Variants in RHOU observed in about 807,000 individuals in gnomAD.
RHOU encodes ras homolog family member U.
In RHOU, 8 loss-of-function variants were observed where a neutral mutation model predicts 12.6. The observed-to-expected ratio is 0.64, with a 90% confidence interval of 0.37 to 1.15. The LOEUF (loss-of-function observed/expected upper bound fraction) is 1.15, where lower values mean the gene tolerates loss of function less well. RHOU is among the 50% of genes most tolerant of loss of function. The pLI, the probability that RHOU is intolerant of heterozygous loss-of-function variation, is 0.01. For synonymous variants in RHOU, 161 were observed against 147.4 expected (o/e 1.09, Z -0.67); for missense variants, 258 against 347.0 (o/e 0.74, Z 2.04).
At chr1:228,646,570 C>G in the RHOU span, among the ~76,000 whole-genome samples, 146 of 128,182 alleles carry the variant, frequency 1.1e-3, no homozygotes, top group African/African-American at 3.8e-3. Flanking sequence ...TCGCTTGTCC[C>G]GACCAAGACC....
chr1:228,681,597 C>T, the RHOU span, among the ~76,000 whole-genome samples: 1 of 151,722 alleles, frequency 6.6e-6, no homozygotes, highest in Non-Finnish European at 1.5e-5. Context: ...GCCCTTTTTT[C>T]GACAAAAAGT....
chr1:228,646,741 CACAG>C, the RHOU span, among the ~76,000 whole-genome samples: 1 of 151,982 alleles, frequency 6.6e-6, no homozygotes, highest in Admixed American at 6.6e-5. Context: ...CTCCCCCACA[CACAG>C]ACACACCCGT....
At chr1:228,650,326 C>T in the RHOU span, 9 of 465,332 alleles carry the variant, frequency 1.9e-5, no homozygotes, top group East Asian at 2.0e-4. Context: ...GCTTGGCTGC[C>T]GGCCCTACCT....
the RHOU span, among the ~76,000 whole-genome samples, chr1:228,699,117 A>G: frequency 6.6e-6 from 1 of 151,366 alleles, no homozygotes; most frequent in East Asian, 1.9e-4. Flanking sequence ...CCTGGTGAAA[A>G]TATACTCTGG....
upstream of RHOU, among the ~76,000 whole-genome samples, chr1:228,732,427 T>C (rs1662514781): frequency 6.6e-6 from 1 of 152,034 alleles, no homozygotes; most frequent in Non-Finnish European, 1.5e-5. Context: ...TGGACCCAAA[T>C]GAGTGGGTGC....
the RHOU span, among the ~76,000 whole-genome samples, chr1:228,683,795 G>A: frequency 6.6e-6 from 1 of 152,206 alleles, no homozygotes; most frequent in Non-Finnish European, 1.5e-5. Flanking sequence ...GAAACTGTGC[G>A]GTGGGGGTGG....
intron 2 of RHOU, among the ~76,000 whole-genome samples, chr1:228,742,283 A>G (rs1662739342): frequency 6.6e-6 from 1 of 152,230 alleles, no homozygotes; most frequent in Admixed American, 6.5e-5. Context: ...AATTTGGAGA[A>G]CAACATCTGT....
At chr1:228,686,768 T>C in the RHOU span, among the ~76,000 whole-genome samples, 2 of 150,290 alleles carry the variant, frequency 1.3e-5, no homozygotes, top group Non-Finnish European at 1.5e-5. Context: ...TGAGAGGGAG[T>C]CTTCCTCTGT....
the RHOU span, among the ~76,000 whole-genome samples, chr1:228,683,453 G>A: frequency 6.6e-6 from 1 of 152,146 alleles, no homozygotes; most frequent in East Asian, 1.9e-4. Context: ...TTTTACATAT[G>A]ATATATGTGG....
At chr1:228,711,164 C>T in the RHOU span, among the ~76,000 whole-genome samples, 1 of 151,500 alleles carries the variant, frequency 6.6e-6, no homozygotes, top group Non-Finnish European at 1.5e-5. Context: ...AAAGAGGATA[C>T]AAACAAATGG....
the RHOU span, among the ~76,000 whole-genome samples, chr1:228,676,502 CTG>C: frequency 6.6e-6 from 1 of 152,002 alleles, no homozygotes; most frequent in Non-Finnish European, 1.5e-5. Context: ...CGAAAAAAAA[CTG>C]TTTTTTAGTT....
At chr1:228,647,000 A>T in the RHOU span, among the ~76,000 whole-genome samples, 1 of 149,184 alleles carries the variant, frequency 6.7e-6, no homozygotes, top group East Asian at 2.1e-4. Context: ...AGGCTAGAGA[A>T]ATAACGCGAG....
the RHOU span, among the ~76,000 whole-genome samples, chr1:228,725,769 T>TA: frequency 1.1e-4 from 17 of 152,240 alleles, no homozygotes; most frequent in Non-Finnish European, 1.8e-4. Context: ...AATAAAATTT[T>TA]AGAATTGGAG....
the RHOU span, among the ~76,000 whole-genome samples, chr1:228,691,507 C>T: frequency 6.0e-3 from 867 of 144,912 alleles, 6 homozygotes; most frequent in Admixed American, 9.4e-3. Flanking sequence ...TACTTGGAAT[C>T]TTATAGTGTG....
the RHOU span, among the ~76,000 whole-genome samples, chr1:228,715,169 G>C: frequency 4.2e-5 from 6 of 143,474 alleles, no homozygotes; most frequent in South Asian, 1.3e-3. Context: ...TTTTTTTTCT[G>C]GCTTTCTGAG....
intron 2 of RHOU, among the ~76,000 whole-genome samples, chr1:228,740,733 C>T (rs895637495): frequency 1.3e-5 from 2 of 152,216 alleles, no homozygotes; most frequent in African/African-American, 2.4e-5. Flanking sequence ...GGAGAATCAA[C>T]GTGAGCACAG....
the RHOU span, among the ~76,000 whole-genome samples, chr1:228,646,952 G>A: frequency 6.6e-6 from 1 of 152,060 alleles, no homozygotes; most frequent in Non-Finnish European, 1.5e-5. Context: ...GAGGCTAAGA[G>A]GGACAGAGAA....
the RHOU span, among the ~76,000 whole-genome samples, chr1:228,714,738 A>ATT: frequency 2.4e-5 from 2 of 84,818 alleles, no homozygotes; most frequent in African/African-American, 5.6e-5. Context: ...TTTGTTAATT[A>ATT]TCTTTTTTTT....
chr1:228,732,234 G>C (rs1328858694), upstream of RHOU, among the ~76,000 whole-genome samples: 1 of 152,168 alleles, frequency 6.6e-6, no homozygotes, highest in Admixed American at 6.5e-5. Context: ...GTGGGATATA[G>C]GAATGAGCAA....
Sources: gnomAD v4.1 joint callset for allele counts (sites outside exome capture counted in the v4.1 genomes callset) on GRCh38, gnomAD v4.1.1 for gene constraint, MANE v1.5 for transcripts, NCBI Gene and HGNC (gene_info 2026-07-23, HGNC 2026-07-21) for gene names.